DNAH6: variants seen among roughly 807,000 people sequenced by gnomAD.
DNAH6 encodes dynein axonemal heavy chain 6.
Under a neutral mutation model 491.4 loss-of-function variants are expected in DNAH6, and 340 were observed. That is an observed-to-expected ratio of 0.69 (90% CI 0.63 to 0.76). The LOEUF is 0.76. DNAH6 is among the 30% of genes least tolerant of loss of function. The probability of loss-of-function intolerance (pLI) is 0.00; values close to 1 mark genes in which losing one functional copy is unlikely to be tolerated. For missense variants in DNAH6, 4,443 were observed against 4,972.2 expected, an observed-to-expected ratio of 0.89 and a Z score of 3.20; for synonymous variants, 1,603 against 1,686.1, an observed-to-expected ratio of 0.95 and a Z score of 1.21.
intron 7 of DNAH6, 58 bp downstream of exon 7, chr2:84,547,670 C>A: frequency 2.0e-6 from 3 of 1,503,652 alleles, no homozygotes; most frequent in South Asian, 1.3e-5. Context: ...AAATTTCAGC[C>A]CTTTTTTATT....
chr2:84,610,678 A>G (rs1055012716), intron 21 of DNAH6, among the ~76,000 whole-genome samples: 1 of 152,198 alleles, frequency 6.6e-6, no homozygotes, highest in East Asian at 1.9e-4. Context: ...ATTTCTAGAC[A>G]TGCTAATATG....
chr2:84,614,154 C>T (rs1307322337), intron 22 of DNAH6, among the ~76,000 whole-genome samples: 3 of 151,876 alleles, frequency 2.0e-5, no homozygotes, highest in African/African-American at 7.3e-5. Flanking sequence ...GTACCCAATG[C>T]GTAGTCTTTT....
At chr2:84,783,032 T>C (rs531886093) in intron 65 of DNAH6, among the ~76,000 whole-genome samples, 3 of 152,320 alleles carry the variant, frequency 2.0e-5, no homozygotes, top group African/African-American at 7.2e-5. Flanking sequence ...TGGCCCTTGC[T>C]ATAATCATTT....
At chr2:84,715,648 G>A in intron 58 of DNAH6, 21 bp downstream of exon 58, 1 of 1,544,660 alleles carries the variant, frequency 6.5e-7, no homozygotes. Flanking sequence ...AGGGAGTTGA[G>A]GGGAGGGAAG....
intron 18 of DNAH6, among the ~76,000 whole-genome samples, chr2:84,598,020 G>A (rs141760653): frequency 0.022 from 3,369 of 152,016 alleles, 53 homozygotes; most frequent in Middle Eastern, 0.1. Context: ...CAAAAAAAAA[G>A]GCCAGATAGC....
intron 30 of DNAH6, among the ~76,000 whole-genome samples, chr2:84,635,454 C>T (rs1276554558): frequency 6.6e-6 from 1 of 152,310 alleles, no homozygotes; most frequent in East Asian, 1.9e-4. Context: ...CTTATCTGTA[C>T]TCCCTCTTGT....
intron 46 of DNAH6, 91 bp from the exon 47 acceptor site, chr2:84,697,484 T>C (rs1477541083): frequency 6.9e-6 from 9 of 1,295,098 alleles, no homozygotes; most frequent in Non-Finnish European, 9.3e-6. Context: ...AAAGATGAAA[T>C]TGATTCATGT....
At chr2:84,766,021 C>T (rs555016901) in intron 64 of DNAH6, among the ~76,000 whole-genome samples, 44 of 151,898 alleles carry the variant, frequency 2.9e-4, no homozygotes, top group Middle Eastern at 3.4e-3. Flanking sequence ...GAAGAGACAC[C>T]AATTGTGAAA....
chr2:84,765,499 G>A (rs1209720559), intron 64 of DNAH6, among the ~76,000 whole-genome samples: 1 of 152,024 alleles, frequency 6.6e-6, no homozygotes, highest in Non-Finnish European at 1.5e-5. Context: ...GAGGAAAAAA[G>A]AAGTATAGAA....
chr2:84,804,767 A>G (rs1679257891), intron 70 of DNAH6, among the ~76,000 whole-genome samples: 1 of 152,164 alleles, frequency 6.6e-6, no homozygotes, highest in Admixed American at 6.5e-5. Flanking sequence ...CATTTTAATC[A>G]TTTTTAAGCA....
chr2:84,468,650 G>A, the DNAH6 span, among the ~76,000 whole-genome samples: 3 of 152,150 alleles, frequency 2.0e-5, no homozygotes, highest in Non-Finnish European at 2.9e-5. Context: ...TACTTACTTC[G>A]TAGGTGGGGA....
intron 12 of DNAH6, among the ~76,000 whole-genome samples, chr2:84,576,183 C>T (rs1332486203): frequency 6.6e-6 from 1 of 152,108 alleles, no homozygotes; most frequent in African/African-American, 2.4e-5. Context: ...TTAATTTAGT[C>T]GGCTTTCAAA....
chr2:84,767,212 T>C (rs541587829), intron 64 of DNAH6, among the ~76,000 whole-genome samples: 49 of 152,288 alleles, frequency 3.2e-4, no homozygotes, highest in Admixed American at 4.6e-4. Flanking sequence ...ACAATTTAAA[T>C]TACTTCAAAT....
chr2:84,611,891 A>G (rs768939049), intron 22 of DNAH6, 37 bp downstream of exon 22: 41 of 1,522,488 alleles, frequency 2.7e-5, no homozygotes, highest in Non-Finnish European at 8.9e-7. Flanking sequence ...AAAAGACTAC[A>G]ATCTTTTAGT....
In DNAH6 at chr2:84,813,962, C is replaced by T. The variant is rs1253910947; in HGVS notation, c.11999-9C>T. ...TTTGAACGCAGCTTTCCGATTTTCA[C>T]AATTACAGGAACTCTTCAAAATCAT... On this transcript the variant is annotated splice_polypyrimidine_tract_variant and intron_variant, in intron 74 of 76. Coordinates refer to ENST00000389394, the MANE Select transcript of DNAH6 (RefSeq NM_001370.2). The T allele has an allele frequency of 6.4e-7, 1 of 1,551,454 alleles. No individual in the cohort carries two copies. Among genetic ancestry groups the T allele is most frequent in the Non-Finnish European group, 8.7e-7 (1 of 1,146,894 alleles).
chr2:84,483,883 T>C, the DNAH6 span, among the ~76,000 whole-genome samples: 2 of 152,268 alleles, frequency 1.3e-5, no homozygotes, highest in East Asian at 3.9e-4. Flanking sequence ...GAGGGCTTTA[T>C]TATTTCTGAG....
At chr2:84,794,022 G>A (rs891406844) in intron 68 of DNAH6, among the ~76,000 whole-genome samples, 19 of 152,036 alleles carry the variant, frequency 1.2e-4, no homozygotes, top group South Asian at 4.1e-4. Flanking sequence ...AAATAATGCC[G>A]CATATCTACA....
chr2:84,730,216 G>C (rs1202258060), intron 61 of DNAH6, among the ~76,000 whole-genome samples: 1 of 152,212 alleles, frequency 6.6e-6, no homozygotes, highest in Non-Finnish European at 1.5e-5. Context: ...GGGATCTGCA[G>C]CTGGAGACTG....
intron 50 of DNAH6, 129 bp downstream of exon 50, chr2:84,703,691 G>GTTTTTT: frequency 5.9e-6 from 4 of 683,236 alleles, no homozygotes; most frequent in Non-Finnish European, 8.7e-6. Flanking sequence ...ATTTAGCAAA[G>GTTTTTT]TTTTTTTTTT....
Sources: allele counts gnomAD v4.1 joint callset (sites outside exome capture counted in the v4.1 genomes callset), GRCh38; gene constraint gnomAD v4.1.1; transcripts MANE v1.5; gene names NCBI Gene and HGNC (gene_info 2026-07-23, HGNC 2026-07-21).